LRRTM4: variants seen among roughly 807,000 people sequenced by gnomAD.
LRRTM4 encodes the protein leucine rich repeat transmembrane neuronal 4.
A neutral mutation model predicts 47.6 loss-of-function variants in LRRTM4; 25 were observed. The observed-to-expected ratio is 0.53, with a 90% CI of 0.38 to 0.73. The LOEUF (loss-of-function observed/expected upper bound fraction) is 0.73. Among genes scored for constraint, LRRTM4 ranks in the 30% least tolerant of loss-of-function variants. LRRTM4 has a pLI of 0.00. For synonymous variants in LRRTM4, 311 were observed against 269.5 expected, an observed-to-expected ratio of 1.15 and a Z score of -1.51; for missense variants, 638 against 713.4, an observed-to-expected ratio of 0.89 and a Z score of 1.20.
intron 3 of LRRTM4, among the ~76,000 whole-genome samples, chr2:77,330,020 G>A (rs1670909438): frequency 1.3e-5 from 2 of 152,162 alleles, no homozygotes; most frequent in South Asian, 2.1e-4. Flanking sequence ...TATGAGAGAG[G>A]AGGCAAAGGA....
intron 3 of LRRTM4, among the ~76,000 whole-genome samples, chr2:77,487,173 A>G (rs1558766508): frequency 6.6e-6 from 1 of 152,126 alleles, no homozygotes; most frequent in Non-Finnish European, 1.5e-5. Flanking sequence ...AACAGGAGGG[A>G]GCCCCGCCCC....
chr2:77,285,492 A>G (rs753328876), intron 3 of LRRTM4, among the ~76,000 whole-genome samples: 1 of 151,834 alleles, frequency 6.6e-6, no homozygotes, highest in Non-Finnish European at 1.5e-5. Context: ...CTGTAATCCC[A>G]GCACTTTGGG....
chr2:76,856,258 C>A (rs1672146805), intron 3 of LRRTM4, among the ~76,000 whole-genome samples: 1 of 151,724 alleles, frequency 6.6e-6, no homozygotes, highest in Admixed American at 6.6e-5. Context: ...GCCTAGGTGA[C>A]AGAGTGAGAC....
intron 3 of LRRTM4, among the ~76,000 whole-genome samples, chr2:77,437,417 T>A (rs763094036): frequency 6.6e-6 from 1 of 152,064 alleles, no homozygotes; most frequent in Non-Finnish European, 1.5e-5. Context: ...CCCCACTGAC[T>A]TTTTAAGCCA....
At chr2:76,860,270 G>A (rs1672274476) in intron 3 of LRRTM4, among the ~76,000 whole-genome samples, 1 of 152,106 alleles carries the variant, frequency 6.6e-6, no homozygotes, top group Non-Finnish European at 1.5e-5. Context: ...CTAGCTCTTG[G>A]AAGATATTTA....
At chr2:77,181,651 T>C (rs1165445408) in intron 3 of LRRTM4, among the ~76,000 whole-genome samples, 1 of 151,830 alleles carries the variant, frequency 6.6e-6, no homozygotes, top group African/African-American at 2.4e-5. Context: ...GCAAATAAAA[T>C]TGAATAAGAA....
chr2:77,274,860 T>A (rs1355502831), intron 3 of LRRTM4, among the ~76,000 whole-genome samples: 2 of 152,140 alleles, frequency 1.3e-5, no homozygotes, highest in African/African-American at 4.8e-5. Context: ...TTTGACAGAA[T>A]GTGTAGCTTG....
chr2:76,914,884 T>G (rs139019096), intron 3 of LRRTM4, among the ~76,000 whole-genome samples: 1 of 152,216 alleles, frequency 6.6e-6, no homozygotes, highest in Non-Finnish European at 1.5e-5. Flanking sequence ...GATCACAGAA[T>G]AACTTGAGTT....
At chr2:77,225,090 C>T (rs1010684973) in intron 3 of LRRTM4, among the ~76,000 whole-genome samples, 1 of 151,690 alleles carries the variant, frequency 6.6e-6, no homozygotes, top group African/African-American at 2.4e-5. Flanking sequence ...TGGAAACCAT[C>T]ATTCTCAGCA....
At chr2:77,373,279 A>T (rs1227374575) in intron 3 of LRRTM4, among the ~76,000 whole-genome samples, 5 of 151,372 alleles carry the variant, frequency 3.3e-5, no homozygotes, top group Non-Finnish European at 7.4e-5. Context: ...ACAGATTGTG[A>T]AAGAAGTAAA....
chr2:76,827,466 T>C (rs1293302078), intron 3 of LRRTM4, among the ~76,000 whole-genome samples: 1 of 151,812 alleles, frequency 6.6e-6, no homozygotes, highest in Non-Finnish European at 1.5e-5. Context: ...TGCTACACTG[T>C]TTCCTGTGAA....
chr2:76,764,161 A>G (rs1187984304), intron 3 of LRRTM4, among the ~76,000 whole-genome samples: 3 of 152,244 alleles, frequency 2.0e-5, no homozygotes, highest in Admixed American at 2.0e-4. Context: ...ATAGTAAAAC[A>G]ATGAGATGCA....
chr2:77,123,254 C>A (rs1406712610), intron 3 of LRRTM4, among the ~76,000 whole-genome samples: 3 of 128,556 alleles, frequency 2.3e-5, no homozygotes, highest in African/African-American at 1.1e-4. Flanking sequence ...AAATTTAATT[C>A]ATAATTCAGT....
intron 3 of LRRTM4, among the ~76,000 whole-genome samples, chr2:77,492,007 CATAAT>C (rs67138424): frequency 0.2 from 30,586 of 151,702 alleles, 3,493 homozygotes; most frequent in Middle Eastern, 0.3. Flanking sequence ...TATTATAAAA[CATAAT>C]ATATCACTGA....
intron 3 of LRRTM4, among the ~76,000 whole-genome samples, chr2:76,779,460 A>G (rs561625860): frequency 6.8e-6 from 1 of 147,968 alleles, no homozygotes; most frequent in African/African-American, 2.5e-5. Context: ...TTGGGTGCAT[A>G]TATATTTAGG....
intron 3 of LRRTM4, among the ~76,000 whole-genome samples, chr2:76,776,125 T>G (rs557970442): frequency 6.6e-6 from 1 of 152,240 alleles, no homozygotes; most frequent in Admixed American, 6.5e-5. Flanking sequence ...CCACGGTGTA[T>G]ATGTCCCACA....
chr2:77,067,944 A>G (rs1680016189), intron 3 of LRRTM4, among the ~76,000 whole-genome samples: 2 of 152,198 alleles, frequency 1.3e-5, no homozygotes. Flanking sequence ...TTCTTAAAGT[A>G]TCATAAAATA....
intron 3 of LRRTM4, among the ~76,000 whole-genome samples, chr2:77,019,279 TAAG>T (rs988347564): frequency 8.0e-5 from 11 of 136,944 alleles, no homozygotes; most frequent in South Asian, 4.4e-4. Context: ...AAAAAAAATA[TAAG>T]AAGAAGACAG....
intron 3 of LRRTM4, among the ~76,000 whole-genome samples, chr2:77,452,329 C>A (rs1042251214): frequency 6.6e-6 from 1 of 151,980 alleles, no homozygotes; most frequent in African/African-American, 2.4e-5. Context: ...GTGGTGGAAC[C>A]AACAGGACTT....
Sources: gnomAD v4.1 joint callset for allele counts (sites outside exome capture counted in the v4.1 genomes callset) on GRCh38, gnomAD v4.1.1 for gene constraint, MANE v1.5 for transcripts, NCBI Gene and HGNC (gene_info 2026-07-23, HGNC 2026-07-21) for gene names.